Variants in ELMOD1 observed in about 807,000 individuals in gnomAD.
ELMOD1 encodes ELMO domain-containing protein 1.
In ELMOD1, 21 loss-of-function variants were observed where a neutral mutation model predicts 46.7. The ratio of observed to expected loss-of-function variants is 0.45; its 90% CI spans 0.32 to 0.65. ELMOD1 has a LOEUF of 0.65. Ranked by LOEUF, ELMOD1 falls within the 30% of genes least tolerant of loss-of-function variation. The probability of loss-of-function intolerance (pLI) is 0.04; values close to 1 mark genes in which losing one functional copy is unlikely to be tolerated. For missense variants in ELMOD1, 348 were observed against 407.8 expected (o/e 0.85, Z 1.26); for synonymous variants, 122 against 138.2 (o/e 0.88, Z 0.82).
chr11:107,596,337 T>A (rs1865492465), intron 1 of ELMOD1, among the ~76,000 whole-genome samples: 1 of 152,114 alleles, frequency 6.6e-6, no homozygotes, highest in African/African-American at 2.4e-5. Context: ...TCCCTAAATC[T>A]TTTTTACTTT....
intron 9 of ELMOD1, 79 bp downstream of exon 9, chr11:107,650,987 C>A: frequency 2.5e-6 from 2 of 798,988 alleles, no homozygotes; most frequent in South Asian, 2.6e-5. Flanking sequence ...TTTTAAGGAA[C>A]TCTGAATTTA....
intron 1 of ELMOD1, among the ~76,000 whole-genome samples, chr11:107,612,712 A>G (rs1412727554): frequency 6.6e-6 from 1 of 152,192 alleles, no homozygotes; most frequent in Non-Finnish European, 1.5e-5. Context: ...CTAAACACAG[A>G]TTGTCTAATT....
At chr11:107,657,467 G>T (rs921830142) in intron 11 of ELMOD1, among the ~76,000 whole-genome samples, 2 of 152,184 alleles carry the variant, frequency 1.3e-5, no homozygotes, top group Admixed American at 1.3e-4. Context: ...GGCCAAGGCT[G>T]CTATGAGCTA....
At chr11:107,610,435 G>A (rs1441706321) in intron 1 of ELMOD1, among the ~76,000 whole-genome samples, 1 of 152,080 alleles carries the variant, frequency 6.6e-6, no homozygotes, top group Non-Finnish European at 1.5e-5. Flanking sequence ...AGGCCAAGGT[G>A]GGCAGATCAC....
intron 2 of ELMOD1, among the ~76,000 whole-genome samples, chr11:107,629,306 C>T (rs1460773414): frequency 6.6e-6 from 1 of 152,144 alleles, no homozygotes; most frequent in Non-Finnish European, 1.5e-5. Flanking sequence ...TCTGAGTGAC[C>T]ATGCATCACC....
At chr11:107,643,521 A>G (rs1203387549) in intron 6 of ELMOD1, 1 of 458,572 alleles carries the variant, frequency 2.2e-6, no homozygotes, top group South Asian at 1.8e-5. Context: ...TGTGTCTAGT[A>G]TAGTCTGTAG....
chr11:107,630,231 T>C (rs1161624141), intron 2 of ELMOD1, among the ~76,000 whole-genome samples, 186 bp from the exon 3 acceptor site: 2 of 152,236 alleles, frequency 1.3e-5, no homozygotes, highest in Non-Finnish European at 2.9e-5. Context: ...ATTCTGGAGT[T>C]TCTTACAGTC....
At position 107,630,523 on chromosome 11, in the gene ELMOD1, T is replaced by C; in HGVS notation, c.124T>C (p.Tyr42His). ...TGRCELQRIC[Y>H]NTKPGASRTM... is the part of the protein sequence containing the mutation. ...AAGATGTGAACTACAACGGATCTGT[T>C]ATAATACCAAGCCGGGAGCTTCTAG... is the stretch of plus-strand genomic sequence containing the variant. Residue 42 changes from tyrosine to histidine, a missense_variant, in exon 3 of 12, where the codon TAT becomes CAT. Physicochemically the swap from Tyr to His is moderately conservative, Grantham distance 83. Transcript: ENST00000265840. 6.2e-7 allele frequency: 1 copy of C among 1,610,898 alleles called. No individual in the cohort carries two copies. Among genetic ancestry groups the C allele is most frequent in the South Asian group, 1.1e-5 (1 of 90,114 alleles).
intron 1 of ELMOD1, among the ~76,000 whole-genome samples, chr11:107,601,878 A>G (rs909193438): frequency 6.6e-6 from 1 of 152,108 alleles, no homozygotes; most frequent in Admixed American, 6.5e-5. Context: ...TTAAGCTCTA[A>G]TGCACTCTGA....
chr11:107,625,856 A>G (rs1019649431), intron 2 of ELMOD1, among the ~76,000 whole-genome samples: 4 of 152,366 alleles, frequency 2.6e-5, no homozygotes, highest in Admixed American at 2.6e-4. Context: ...GAAATGGAGC[A>G]TGTGTAGTAG....
At chr11:107,633,195 A>AT (rs1373957597) in intron 5 of ELMOD1, among the ~76,000 whole-genome samples, 4 of 151,930 alleles carry the variant, frequency 2.6e-5, no homozygotes, top group East Asian at 1.9e-4. Context: ...AACCTGTAGT[A>AT]TTTTTTTTAA....
At chr11:107,612,453 A>G (rs1865796247) in intron 1 of ELMOD1, among the ~76,000 whole-genome samples, 1 of 152,194 alleles carries the variant, frequency 6.6e-6, no homozygotes, top group Non-Finnish European at 1.5e-5. Context: ...AAACCTCAGC[A>G]TCACGCAACA....
At chr11:107,604,790 A>C (rs772784283) in intron 1 of ELMOD1, among the ~76,000 whole-genome samples, 4 of 152,178 alleles carry the variant, frequency 2.6e-5, no homozygotes, top group Non-Finnish European at 5.9e-5. Flanking sequence ...CCCAGTCTAA[A>C]TGGTCGAATT....
intron 10 of ELMOD1, 79 bp from the exon 11 acceptor site, chr11:107,655,854 G>A: frequency 3.4e-6 from 5 of 1,455,474 alleles, no homozygotes; most frequent in Non-Finnish European, 4.6e-6. Flanking sequence ...ACTGGTAGGA[G>A]TGTCTTTTAG....
chr11:107,627,904 A>G lies in ELMOD1; in HGVS notation c.18-2513A>G, dbSNP rs549053431. Among the ~76,000 whole-genome samples, 59 of 152,288 alleles carry G rather than the reference A, an allele frequency of 3.9e-4. 1 individual carries two copies. The South Asian group carries it at 0.012, about 32-fold the overall frequency. On this transcript the variant is annotated intron_variant, in intron 2 of 11. Transcript: ENST00000265840. ...TAAAAGGTAGCTTCCTTTGAGGTGC[A>G]AGCCCGCAGATGGGGTGGACTTCCC...
intron 11 of ELMOD1, among the ~76,000 whole-genome samples, chr11:107,660,682 C>G (rs1209779147): frequency 6.6e-6 from 1 of 152,156 alleles, no homozygotes; most frequent in African/African-American, 2.4e-5. Flanking sequence ...CTCATCTAAG[C>G]CCAATATCTG....
intron 11 of ELMOD1, among the ~76,000 whole-genome samples, chr11:107,663,182 C>T (rs376391262): frequency 2.0e-5 from 3 of 152,244 alleles, no homozygotes; most frequent in South Asian, 2.1e-4. Flanking sequence ...TGATACTTCC[C>T]GATTTGGGCC....
chr11:107,610,194 G>A (rs1389591503), intron 1 of ELMOD1, among the ~76,000 whole-genome samples: 1 of 152,152 alleles, frequency 6.6e-6, no homozygotes, highest in African/African-American at 2.4e-5. Flanking sequence ...TAATTCTAAT[G>A]TCTCGCTTGA....
At chr11:107,661,028 T>G (rs1351164882) in intron 11 of ELMOD1, among the ~76,000 whole-genome samples, 1 of 152,170 alleles carries the variant, frequency 6.6e-6, no homozygotes, top group Non-Finnish European at 1.5e-5. Flanking sequence ...TATAAGTGAG[T>G]GGAGCTTTAT....
Sources: gnomAD v4.1 joint callset for allele counts (sites outside exome capture counted in the v4.1 genomes callset) on GRCh38, gnomAD v4.1.1 for gene constraint, MANE v1.5 for transcripts, NCBI Gene and HGNC (gene_info 2026-07-23, HGNC 2026-07-21) for gene names.